The following HACL2 variants were observed in gnomAD, a reference collection of about 807,000 sequenced individuals.
HACL2 encodes the protein 2-hydroxyacyl-CoA lyase 1 like.
the HACL2 span, chr19:15,124,978 C>A: frequency 6.2e-7 from 1 of 1,606,026 alleles, no homozygotes; most frequent in Non-Finnish European, 8.5e-7. Flanking sequence ...CCCAGCAAGG[C>A]GGCCACCAGC....
At chr19:15,120,019 G>A in the HACL2 span, 81 of 1,550,520 alleles carry the variant, frequency 5.2e-5, no homozygotes, top group Non-Finnish European at 6.7e-5. Flanking sequence ...CAGGGGCAGC[G>A]GTCCCTCGGG....
At chr19:15,124,522 A>C in the HACL2 span, 1 of 183,244 alleles carries the variant, frequency 5.5e-6, no homozygotes, top group Non-Finnish European at 1.1e-5. Flanking sequence ...GGTAGGTAAG[A>C]AAGTCTACAG....
chr19:15,115,898 T>C, the HACL2 span: 1 of 1,614,036 alleles, frequency 6.2e-7, no homozygotes, highest in East Asian at 2.2e-5. Flanking sequence ...AGCCAAAAGC[T>C]CCGTCCCCAA....
chr19:15,123,662 A>C, the HACL2 span: 3 of 1,251,092 alleles, frequency 2.4e-6, no homozygotes, highest in Non-Finnish European at 2.3e-6. The surrounding 1 kb of genome is among the most constrained non-coding windows in gnomAD (Gnocchi z 5.1). Context: ...TGCCCCAGGT[A>C]AGGGGGCAGG....
chr19:15,115,105 AT>A, the HACL2 span: 1 of 886,648 alleles, frequency 1.1e-6, no homozygotes. Flanking sequence ...CCTCTCTGAG[AT>A]TTGACCCCTC....
At chr19:15,125,529 C>T in the HACL2 span, 2 of 173,188 alleles carry the variant, frequency 1.2e-5, no homozygotes, top group African/African-American at 4.8e-5. Context: ...TCCACGCAAC[C>T]CACGCCTCTC....
chr19:15,116,785 C>T, the HACL2 span: 2 of 474,654 alleles, frequency 4.2e-6, no homozygotes, highest in Non-Finnish European at 7.5e-6. Flanking sequence ...CCAAGCTGGC[C>T]TCGTCCCCTC....
the HACL2 span, chr19:15,125,554 C>T: frequency 2.5e-5 from 4 of 159,606 alleles, no homozygotes; most frequent in East Asian, 1.9e-4. Flanking sequence ...AAAGAGCGCA[C>T]GGGCCCGAGC....
the HACL2 span, chr19:15,119,062 T>C: frequency 3.1e-6 from 4 of 1,305,156 alleles, no homozygotes; most frequent in South Asian, 1.6e-5. Flanking sequence ...GTGTATCAAG[T>C]ACAATAGGTG....
At chr19:15,123,638 G>A in the HACL2 span, 2 of 1,510,948 alleles carry the variant, frequency 1.3e-6, no homozygotes, top group Non-Finnish European at 9.1e-7. The surrounding 1 kb of genome is among the most constrained non-coding windows in gnomAD (Gnocchi z 5.1). Flanking sequence ...AGCTGGGAAA[G>A]GGGGCAATCC....
At chr19:15,115,900 C>T in the HACL2 span, 8 of 1,614,040 alleles carry the variant, frequency 5.0e-6, no homozygotes, top group African/African-American at 5.3e-5. Context: ...CCAAAAGCTC[C>T]GTCCCCAAAC....
At chr19:15,119,363 C>A in the HACL2 span, 1 of 1,610,360 alleles carries the variant, frequency 6.2e-7, no homozygotes, top group Non-Finnish European at 8.5e-7. Context: ...CCCAAGAGCA[C>A]CCGAGGACTG....
chr19:15,115,714 T>A, the HACL2 span: 1 of 1,594,050 alleles, frequency 6.3e-7, no homozygotes, highest in Non-Finnish European at 8.6e-7. Context: ...TTCAGCCCCA[T>A]GGCTTGGCCA....
the HACL2 span, chr19:15,125,249 G>A: frequency 1.1e-5 from 7 of 637,386 alleles, no homozygotes; most frequent in African/African-American, 3.7e-5. Flanking sequence ...GTGAAGCCAT[G>A]CCTCTCCGTG....
At chr19:15,119,408 C>T in the HACL2 span, 24 of 1,613,672 alleles carry the variant, frequency 1.5e-5, 1 homozygote, top group Middle Eastern at 1.6e-4. Context: ...GCAGGGCTGG[C>T]GCTTCTCACC....
chr19:15,123,280 C>G, the HACL2 span: 1 of 1,609,366 alleles, frequency 6.2e-7, no homozygotes, highest in Admixed American at 1.7e-5. The surrounding 1 kb of genome is among the most constrained non-coding windows in gnomAD (Gnocchi z 5.1). Context: ...TGCCCACTCT[C>G]TTGGCCATTC....
chr19:15,122,490 C>T, the HACL2 span, among the ~76,000 whole-genome samples: 6 of 152,104 alleles, frequency 3.9e-5, no homozygotes, highest in African/African-American at 7.2e-5. This position sits in a 1 kb window ranked among gnomAD's most constrained non-coding sequence, Gnocchi z 4.0. Flanking sequence ...GCTGCCTCCA[C>T]GAGGGCCGCC....
chr19:15,115,610 A>G, the HACL2 span: 2 of 1,613,920 alleles, frequency 1.2e-6, no homozygotes, highest in South Asian at 2.2e-5. Flanking sequence ...CAGAGAGGGC[A>G]CCTGCTCCCG....
chr19:15,115,197 A>G, the HACL2 span: 12 of 1,599,328 alleles, frequency 7.5e-6, no homozygotes, highest in South Asian at 1.1e-5. Context: ...ACTCCAAACC[A>G]GCTGGACACA....
Sources: allele counts gnomAD v4.1 joint callset (sites outside exome capture counted in the v4.1 genomes callset), GRCh38; gene constraint gnomAD v4.1.1; non-coding constraint Gnocchi (gnomAD v3.1); transcripts MANE v1.5; gene names NCBI Gene and HGNC (gene_info 2026-07-23, HGNC 2026-07-21).